The following SLMAP variants were observed in gnomAD, a reference collection of about 807,000 sequenced individuals.
SLMAP encodes sarcolemma associated protein, also known as sarcolemmal membrane-associated protein.
SLMAP carries 44 observed loss-of-function variants against 128.8 expected under a neutral mutation model. The observed-to-expected ratio is 0.34, with a 90% CI of 0.27 to 0.44. The LOEUF is 0.44. Ranked by LOEUF, SLMAP falls within the 20% of genes least tolerant of loss-of-function variation. The pLI is 1.00. For synonymous variants in SLMAP, 327 were observed against 348.8 expected (o/e 0.94, Z 0.70); for missense variants, 787 against 985.3 (o/e 0.80, Z 2.69).
chr3:57,884,586 T>G (rs1325448994), intron 14 of SLMAP, among the ~76,000 whole-genome samples: 1 of 152,142 alleles, frequency 6.6e-6, no homozygotes, highest in Non-Finnish European at 1.5e-5. Flanking sequence ...GGTGGGCAGA[T>G]TGCTTGAGCT....
chr3:57,911,686 A>T (rs2096703200), intron 19 of SLMAP, among the ~76,000 whole-genome samples: 1 of 152,218 alleles, frequency 6.6e-6, no homozygotes, highest in Admixed American at 6.5e-5. Flanking sequence ...AGTCCAGTAG[A>T]AAAGATAAAC....
intron 5 of SLMAP, 54 bp from the exon 6 acceptor site, chr3:57,849,700 C>T (rs2094435758): frequency 1.1e-6 from 1 of 951,988 alleles, no homozygotes; most frequent in Non-Finnish European, 1.7e-6. Context: ...ATTGGTTTGT[C>T]TTTAATGTTC....
chr3:57,912,203 G>GTT, intron 19 of SLMAP, 178 bp from the exon 20 acceptor site: 2 of 522,216 alleles, frequency 3.8e-6, no homozygotes, highest in South Asian at 3.0e-5. Flanking sequence ...GATCACTTTG[G>GTT]TTTTTTTTTC....
intron 22 of SLMAP, among the ~76,000 whole-genome samples, chr3:57,922,040 A>G (rs2096929017): frequency 6.6e-6 from 1 of 152,208 alleles, no homozygotes; most frequent in African/African-American, 2.4e-5. Context: ...GAAATTTCCC[A>G]ATCATAGTGG....
chr3:57,860,986 T>G, intron 9 of SLMAP, 147 bp downstream of exon 9: 1 of 650,562 alleles, frequency 1.5e-6, no homozygotes, highest in Non-Finnish European at 2.5e-6. Flanking sequence ...TTACGCTGCT[T>G]TCATTGACAG....
intron 13 of SLMAP, among the ~76,000 whole-genome samples, chr3:57,868,982 T>C (rs1575486609): frequency 7.2e-6 from 1 of 138,792 alleles, no homozygotes; most frequent in East Asian, 2.0e-4. Context: ...ATATATAATA[T>C]ATATTATATA....
At chr3:57,759,689 A>G (rs2078237032) in intron 2 of SLMAP, among the ~76,000 whole-genome samples, 1 of 152,170 alleles carries the variant, frequency 6.6e-6, no homozygotes, top group Admixed American at 6.5e-5. Flanking sequence ...CATTTTCACC[A>G]TTTTATGTTC....
rs143593343 is a variant in SLMAP, at chr3:57,926,523, C to T, written c.*6+589C>T. On this transcript the variant is annotated intron_variant, in intron 24 of 24. Coordinates refer to ENST00000671191, the MANE Select transcript of SLMAP (RefSeq NM_001377540.1). The stretch of plus-strand genomic sequence containing the variant: ...CCATTTCTTTCTGAGCCCTGACCTG[C>T]AACATCAGAATATTTCTTTAAAAAC... Among the ~76,000 whole-genome samples, 630 of 152,294 alleles carry T rather than the reference C, an allele frequency of 4.1e-3. 6 individuals carry two copies. Among genetic ancestry groups the T allele is most frequent in the African/African-American group, 0.015 (611 of 41,560 alleles).
chr3:57,884,211 G>A lies in SLMAP; in HGVS notation c.1301-5830G>A, dbSNP rs541284491. On this transcript the variant is annotated intron_variant, in intron 14 of 24. Coordinates refer to ENST00000671191, the MANE Select transcript of SLMAP (RefSeq NM_001377540.1). Reference sequence around the variant, plus strand: ...CCCAATGTGCTGGGATTATAGGCGTGAGCCACCACACCAGGCTGATACTTT... The same window carrying A: ...CCCAATGTGCTGGGATTATAGGCGTAAGCCACCACACCAGGCTGATACTTT... Among the ~76,000 whole-genome samples, 276 of 152,268 alleles carry A rather than the reference G, an allele frequency of 1.8e-3. 6 individuals are homozygous for A. In the South Asian group the frequency reaches 0.036, roughly 20 times the overall value.
chr3:57,910,809 G>A (rs955183925), intron 19 of SLMAP, among the ~76,000 whole-genome samples: 8 of 152,286 alleles, frequency 5.3e-5, no homozygotes, highest in East Asian at 1.9e-4. Context: ...GATAGGTGGG[G>A]AAGAAATTAA....
intron 19 of SLMAP, among the ~76,000 whole-genome samples, chr3:57,911,041 G>GTTTA (rs2096681340): frequency 1.3e-5 from 2 of 152,114 alleles, no homozygotes; most frequent in South Asian, 4.1e-4. Flanking sequence ...TCCTATTGTA[G>GTTTA]TTTAATGTCA....
At chr3:57,913,576 A>G (rs1332839851) in intron 21 of SLMAP, among the ~76,000 whole-genome samples, 2 of 152,214 alleles carry the variant, frequency 1.3e-5, no homozygotes, top group Non-Finnish European at 2.9e-5. Flanking sequence ...TTGCCCTGTA[A>G]ACTAATAAAT....
chr3:57,758,371 C>T lies in SLMAP; in HGVS notation c.198+522C>T, dbSNP rs544619524. ...TTTTGAAAGGTTTGATACATACTTG[C>T]CCTTGGAGGAGTAATTTGCAATAAT... On this transcript the variant is annotated intron_variant, in intron 2 of 24. Transcript: ENST00000671191. Among the ~76,000 whole-genome samples the T allele has an allele frequency of 5.9e-5, 9 of 152,220 alleles. No homozygotes were observed. The East Asian group carries it at 1.7e-3, about 29-fold the overall frequency.
At chr3:57,822,928 A>G (rs2092635332) in intron 2 of SLMAP, among the ~76,000 whole-genome samples, 2 of 152,232 alleles carry the variant, frequency 1.3e-5, no homozygotes. Context: ...GGCAGGGAGT[A>G]TAATCCTTGC....
chr3:57,922,829 AC>A, intron 22 of SLMAP, 59 bp from the exon 23 acceptor site: 1 of 1,518,560 alleles, frequency 6.6e-7, no homozygotes, highest in South Asian at 1.2e-5. Context: ...CCTGATTAGA[AC>A]CATAACATCA....
intron 21 of SLMAP, among the ~76,000 whole-genome samples, chr3:57,914,316 C>T (rs1441423522): frequency 6.6e-6 from 1 of 152,106 alleles, no homozygotes; most frequent in African/African-American, 2.4e-5. Flanking sequence ...ATCACTTGAG[C>T]CTAGGAGGTG....
At chr3:57,916,180 GA>G (rs2096807979) in intron 21 of SLMAP, among the ~76,000 whole-genome samples, 1 of 151,634 alleles carries the variant, frequency 6.6e-6, no homozygotes, top group African/African-American at 2.4e-5. Context: ...AGTGATCATA[GA>G]ATTTATTAAC....
chr3:57,758,617 T>C (rs957253670), intron 2 of SLMAP, among the ~76,000 whole-genome samples: 1 of 152,236 alleles, frequency 6.6e-6, no homozygotes, highest in African/African-American at 2.4e-5. Context: ...CTGTCAATTA[T>C]AGCATTACTT....
At chr3:57,766,134 G>A (rs1423045201) in intron 2 of SLMAP, among the ~76,000 whole-genome samples, 1 of 147,266 alleles carries the variant, frequency 6.8e-6, no homozygotes, top group African/African-American at 2.5e-5. Context: ...GAGTAGCTGG[G>A]ACTACAGGCG....
Sources: allele counts gnomAD v4.1 joint callset (sites outside exome capture counted in the v4.1 genomes callset), GRCh38; gene constraint gnomAD v4.1.1; transcripts MANE v1.5; gene names NCBI Gene and HGNC (gene_info 2026-07-23, HGNC 2026-07-21).